EIF3A: variants seen among roughly 807,000 people sequenced by gnomAD.
The protein encoded by EIF3A is eukaryotic translation initiation factor 3 subunit A.
EIF3A carries 21 observed loss-of-function variants against 186.6 expected under a neutral mutation model. That is an observed-to-expected ratio of 0.11 (90% CI 0.08 to 0.16). The LOEUF (loss-of-function observed/expected upper bound fraction) is 0.16, where lower values mean the gene tolerates loss of function less well. EIF3A is among the 10% of genes least tolerant of loss of function. EIF3A has a pLI of 1.00. For missense variants in EIF3A, 1,306 were observed against 1,796.3 expected, an observed-to-expected ratio of 0.73 and a Z score of 4.93; for synonymous variants, 563 against 584.3, an observed-to-expected ratio of 0.96 and a Z score of 0.52.
rs564184815 is a variant in EIF3A at position 119,073,270 on chromosome 10, T to C, written c.377+171A>G. On this transcript the variant is annotated intron_variant, in intron 3 of 21. Transcript: ENST00000369144. ...CTATCTTAAGGCTGTCATTTTCCAC[T>C]TCTATGAATTTTTATTACCTACATA... is the stretch of plus-strand genomic sequence containing the variant. Among the ~76,000 whole-genome samples the C allele has an allele frequency of 5.4e-4, 82 of 152,194 alleles. No individual in the cohort carries two copies. The highest frequency in any genetic ancestry group is 1.1e-3 in the Non-Finnish European group (75 of 68,022).
At position 119,076,638 on chromosome 10, in the gene EIF3A, A is replaced by T. The variant is rs144053431; in HGVS notation, c.50-2701T>A. Among the ~76,000 whole-genome samples, 504 of 152,190 alleles carry T rather than the reference A, an allele frequency of 3.3e-3. 2 individuals are homozygous for T. The highest frequency in any genetic ancestry group is 0.012 in the African/African-American group (482 of 41,512). ...TCTCCTATATAGTGCATGTAAGGTT[A>T]TTTTCTAAAATGTAACAGTACAGCC... On this transcript the variant is annotated intron_variant, in intron 1 of 21. Transcript: ENST00000369144.
Position 119,049,955 on chromosome 10 carries a change from G to A in EIF3A, c.2504C>T (p.Ala835Val). Residue 835 changes from alanine to valine, a missense_variant, in exon 17 of 22, where the codon GCA (alanine) becomes GTA (valine). Physicochemically the swap from Ala to Val is moderately conservative, Grantham distance 64 (BLOSUM62 0). Around this residue, in one of 8 missense-constraint regions of EIF3A, gnomAD observed 410 missense variants for 473.5 expected, o/e 0.87. Coordinates refer to ENST00000369144, the MANE Select transcript of EIF3A (RefSeq NM_003750.4). ...CTCTCGTAGCTCTTCCTCGCGTTTT[G>A]CTCGTTCGGCGCGCTCTCTCTCTTC... ...EREERERAER[A>V]KREEELREYQ... 1 of 1,613,716 alleles carries A rather than the reference G, an allele frequency of 6.2e-7. No homozygotes were observed. Among genetic ancestry groups the A allele is most frequent in the Admixed American group, 1.7e-5 (1 of 59,966 alleles).
intron 6 of EIF3A, among the ~76,000 whole-genome samples, chr10:119,066,211 T>A (rs1217994551): frequency 6.7e-6 from 1 of 148,678 alleles, no homozygotes; most frequent in Admixed American, 6.7e-5. Flanking sequence ...AAGGCAGGTT[T>A]AAAAACTAAG....
intron 14 of EIF3A, among the ~76,000 whole-genome samples, chr10:119,053,961 C>A (rs893706698): frequency 6.6e-6 from 1 of 152,166 alleles, no homozygotes; most frequent in African/African-American, 2.4e-5. Flanking sequence ...CCCATGGTTG[C>A]CCAGGGTGGA....
At chr10:119,065,092 A>G (rs1843949645) in intron 7 of EIF3A, among the ~76,000 whole-genome samples, 1 of 152,134 alleles carries the variant, frequency 6.6e-6, no homozygotes, top group Admixed American at 6.6e-5. Context: ...TAGTTTTCCT[A>G]GAGCCTCCAT....
At chr10:119,067,457 C>T (rs866096086) in intron 6 of EIF3A, among the ~76,000 whole-genome samples, 1 of 151,994 alleles carries the variant, frequency 6.6e-6, no homozygotes, top group South Asian at 2.1e-4. Context: ...TGGACGTGGT[C>T]GCGCTCGCCT....
chr10:119,068,644 A>G (rs1053975316), intron 6 of EIF3A, among the ~76,000 whole-genome samples: 3 of 151,904 alleles, frequency 2.0e-5, no homozygotes, highest in Admixed American at 6.6e-5. Flanking sequence ...AGCCTGGGCG[A>G]TAAGAGCGAA....
intron 1 of EIF3A, among the ~76,000 whole-genome samples, chr10:119,074,486 A>C (rs1844126149): frequency 6.6e-6 from 1 of 151,894 alleles, no homozygotes; most frequent in Non-Finnish European, 1.5e-5. Context: ...AAAATAAAAT[A>C]AATAATGTGT....
At chr10:119,059,069 A>G in intron 11 of EIF3A, 143 bp downstream of exon 11, 1 of 697,684 alleles carries the variant, frequency 1.4e-6, no homozygotes, top group Non-Finnish European at 2.4e-6. Flanking sequence ...TCAAATAACA[A>G]AACTACCAAG....
chr10:119,056,612 T>G, intron 14 of EIF3A, 128 bp downstream of exon 14: 1 of 651,984 alleles, frequency 1.5e-6, no homozygotes, highest in East Asian at 2.7e-5. Context: ...AATCTGTTCA[T>G]AGGCAGCCAT....
intron 19 of EIF3A, 111 bp downstream of exon 19, chr10:119,041,883 G>C: frequency 8.4e-7 from 1 of 1,193,544 alleles, no homozygotes; most frequent in Admixed American, 2.4e-5. Flanking sequence ...CTGAAGGAAA[G>C]ATGAAAGACC....
chr10:119,038,150 C>A, intron 20 of EIF3A, 88 bp downstream of exon 20: 1 of 1,168,522 alleles, frequency 8.6e-7, no homozygotes, highest in Non-Finnish European at 1.2e-6. Flanking sequence ...CTCCTGAACT[C>A]AGGTGATCCG....
chr10:119,068,889 C>T (rs1159477864), intron 6 of EIF3A, among the ~76,000 whole-genome samples: 2 of 141,344 alleles, frequency 1.4e-5, no homozygotes, highest in Non-Finnish European at 3.0e-5. Flanking sequence ...AGGAGAATCG[C>T]TTGAACCCAG....
chr10:119,061,111 C>T (rs1843877754), intron 8 of EIF3A, 113 bp downstream of exon 8: 2 of 603,272 alleles, frequency 3.3e-6, no homozygotes, highest in Non-Finnish European at 5.8e-6. Context: ...GAAATGTGCA[C>T]TGAATTCCAA....
At chr10:119,039,661 C>A (rs1296236959) in intron 19 of EIF3A, among the ~76,000 whole-genome samples, 1 of 152,000 alleles carries the variant, frequency 6.6e-6, no homozygotes, top group South Asian at 2.1e-4. Context: ...CAGTGAGGCC[C>A]CACCTCAAAA....
Position 119,059,198 on chromosome 10 carries a change from G to A in EIF3A, c.1629+14C>T, listed in dbSNP as rs187592023. 73 of 1,607,056 alleles carry A rather than the reference G, an allele frequency of 4.5e-5. 1 individual carries two copies. The highest frequency in any genetic ancestry group is 6.9e-5 in the Admixed American group (4 of 58,386). On this transcript the variant is annotated intron_variant, in intron 11 of 21. Transcript: ENST00000369144. ...CAAAACTTCTGGGATTTATTTCCCC[G>A]GGAAGATGCATACCAGTATATGAGC...
At chr10:119,043,272 A>T (rs1438993527) in intron 18 of EIF3A, among the ~76,000 whole-genome samples, 1 of 152,156 alleles carries the variant, frequency 6.6e-6, no homozygotes, top group South Asian at 2.1e-4. Flanking sequence ...TGCAAAAATT[A>T]GCCAGGCGTG....
At chr10:119,072,756 C>T (rs1844099243) in intron 4 of EIF3A, 134 bp downstream of exon 4, 2 of 1,095,972 alleles carry the variant, frequency 1.8e-6, no homozygotes, top group South Asian at 3.3e-5. Context: ...CATCCGGCCG[C>T]AGTCATTTAA....
chr10:119,043,236 T>A (rs774901390), intron 18 of EIF3A, among the ~76,000 whole-genome samples: 1 of 152,032 alleles, frequency 6.6e-6, no homozygotes, highest in Non-Finnish European at 1.5e-5. Context: ...CTGGCCAACA[T>A]AGTGAAACCT....
Sources: gnomAD v4.1 joint callset for allele counts (sites outside exome capture counted in the v4.1 genomes callset) on GRCh38, gnomAD v4.1.1 for gene constraint, gnomAD v4.1.1 regional missense constraint, MANE v1.5 for transcripts, NCBI Gene and HGNC (gene_info 2026-07-23, HGNC 2026-07-21) for gene names.